DNAH14: variants seen among roughly 807,000 people sequenced by gnomAD.
The protein encoded by DNAH14 is dynein axonemal heavy chain 14.
DNAH14 carries 478 observed loss-of-function variants against 520.9 expected under a neutral mutation model. The ratio of observed to expected loss-of-function variants is 0.92; its 90% CI spans 0.85 to 0.99. The LOEUF (loss-of-function observed/expected upper bound fraction) is 0.99. Ranked by LOEUF, DNAH14 falls within the 50% of genes least tolerant of loss-of-function variation. The pLI is 0.00. For missense variants in DNAH14, 4,831 were observed against 5,234.5 expected (o/e 0.92, Z 2.38); for synonymous variants, 1,581 against 1,757.2 (o/e 0.90, Z 2.51).
In DNAH14 at chr1:225,082,731, G is replaced by A; in HGVS notation, c.3319G>A (p.Ala1107Thr). The A allele has an allele frequency of 1.3e-6, 2 of 1,540,164 alleles. No individual in the cohort carries two copies. The highest frequency in any genetic ancestry group is 1.7e-6 in the Non-Finnish European group (2 of 1,144,210). Residue 1107 changes from alanine (A) to threonine (T), a missense_variant, in exon 20 of 86, where the codon GCT (alanine) becomes ACT (threonine). Physicochemically the swap from Ala to Thr is moderately conservative, Grantham distance 58. Coordinates refer to ENST00000682510, the MANE Select transcript of DNAH14 (RefSeq NM_001367479.1). ...DKNCKVENLL[A>T]LKMFQYENEI... is the part of the protein sequence containing the mutation. Reference sequence around the variant, plus strand: ...AAACTGTAAAGTAGAGAATCTTCTAGCTCTCAAGGTAAATAAAAATGGTTT... The same window carrying A: ...AAACTGTAAAGTAGAGAATCTTCTAACTCTCAAGGTAAATAAAAATGGTTT...
At chr1:225,379,363 T>A (rs530847632) in intron 79 of DNAH14, among the ~76,000 whole-genome samples, 140 of 152,318 alleles carry the variant, frequency 9.2e-4, no homozygotes, top group African/African-American at 3.0e-3. Context: ...CAAAATGAAA[T>A]GAATTCCATG....
intron 8 of DNAH14, among the ~76,000 whole-genome samples, chr1:224,988,113 AT>A (rs2062775239): frequency 6.6e-6 from 1 of 151,606 alleles, no homozygotes; most frequent in African/African-American, 2.4e-5. Flanking sequence ...TCCATGCGTT[AT>A]CATTGTTCAA....
intron 41 of DNAH14, among the ~76,000 whole-genome samples, chr1:225,208,783 GT>G: frequency 6.6e-6 from 1 of 152,038 alleles, no homozygotes; most frequent in East Asian, 1.9e-4. Flanking sequence ...TTTTTTGTTT[GT>G]TTTCTTTATT....
At chr1:225,276,522 A>G (rs1254017198) in intron 53 of DNAH14, among the ~76,000 whole-genome samples, 1 of 152,158 alleles carries the variant, frequency 6.6e-6, no homozygotes, top group African/African-American at 2.4e-5. Context: ...CAGAGACACC[A>G]ACAAAACCAC....
intron 1 of DNAH14, among the ~76,000 whole-genome samples, chr1:224,935,643 T>C (rs1283362142): frequency 6.6e-6 from 1 of 151,794 alleles, no homozygotes. Flanking sequence ...CCACTCTCAG[T>C]ATTAGACAGA....
At chr1:225,049,807 T>TATCTATCA (rs751797027) in intron 15 of DNAH14, among the ~76,000 whole-genome samples, 1 of 148,274 alleles carries the variant, frequency 6.7e-6, no homozygotes, top group Non-Finnish European at 1.5e-5. Context: ...TCTATCTATC[T>TATCTATCA]ATCAATCATC....
chr1:225,338,365 T>G, intron 68 of DNAH14, 183 bp downstream of exon 68: 1 of 787,774 alleles, frequency 1.3e-6, no homozygotes, highest in Admixed American at 2.1e-5. Flanking sequence ...AGATAACCGA[T>G]TTTTATCAAG....
chr1:224,986,359 C>T (rs1168858252), intron 8 of DNAH14, among the ~76,000 whole-genome samples: 1 of 149,576 alleles, frequency 6.7e-6, no homozygotes, highest in Non-Finnish European at 1.5e-5. Context: ...GGCCAATATC[C>T]CTAAAAAAAA....
At chr1:225,364,953 C>A in intron 76 of DNAH14, 59 bp downstream of exon 76, 2 of 1,138,328 alleles carry the variant, frequency 1.8e-6, no homozygotes, top group Non-Finnish European at 1.2e-6. Flanking sequence ...GAATGCAAGT[C>A]ATCTTACATT....
rs536919696 is a variant in DNAH14, at chr1:224,976,426, G to T, written c.830+2273G>T. ...CATTACCATTCAGGACATAGGCTTG[G>T]GCAAGGACTTCATGTCTAAAACACC... On this transcript the variant is annotated intron_variant, in intron 8 of 85. Transcript: ENST00000682510. 5.9e-5 allele frequency among the ~76,000 whole-genome samples: 9 copies of T among 152,174 alleles called. No homozygotes were observed. In the East Asian group the frequency reaches 1.5e-3, roughly 26 times the overall value.
At chr1:225,119,549 G>C (rs1207412713) in intron 26 of DNAH14, among the ~76,000 whole-genome samples, 1 of 152,144 alleles carries the variant, frequency 6.6e-6, no homozygotes. Context: ...CCTTCAGATG[G>C]CTTTTGTGTA....
At chr1:225,286,591 ATACAGAG>A (rs1413187306) in intron 54 of DNAH14, among the ~76,000 whole-genome samples, 1 of 152,220 alleles carries the variant, frequency 6.6e-6, no homozygotes, top group African/African-American at 2.4e-5. Context: ...ACTGACAAGG[ATACAGAG>A]CAATAGGAAC....
intron 54 of DNAH14, among the ~76,000 whole-genome samples, chr1:225,283,414 AAAAATT>A (rs2093667854): frequency 6.7e-6 from 1 of 148,728 alleles, no homozygotes; most frequent in South Asian, 2.2e-4. Context: ...ACTTTCAGGA[AAAAATT>A]AAGTGTTCTG....
chr1:225,083,394 A>T (rs924175989), intron 20 of DNAH14, among the ~76,000 whole-genome samples: 4 of 152,140 alleles, frequency 2.6e-5, no homozygotes, highest in African/African-American at 9.6e-5. Context: ...TAAGAATTTA[A>T]AAAGAATTTT....
At chr1:224,989,663 A>G (rs1159664916) in intron 8 of DNAH14, among the ~76,000 whole-genome samples, 1 of 152,128 alleles carries the variant, frequency 6.6e-6, no homozygotes, top group African/African-American at 2.4e-5. Flanking sequence ...GAAAGGATTG[A>G]GTCTTTCACT....
chr1:225,028,760 C>T (rs1033276871), intron 11 of DNAH14, among the ~76,000 whole-genome samples: 5 of 151,990 alleles, frequency 3.3e-5, no homozygotes, highest in African/African-American at 1.2e-4. Context: ...GACACTTTTA[C>T]ATACCTACTA....
intron 23 of DNAH14, among the ~76,000 whole-genome samples, chr1:225,102,422 G>A (rs1297106631): frequency 6.6e-6 from 1 of 152,036 alleles, no homozygotes; most frequent in Non-Finnish European, 1.5e-5. Context: ...GGGATGGCTG[G>A]GTCAAATGGT....
intron 21 of DNAH14, among the ~76,000 whole-genome samples, chr1:225,088,690 A>G (rs1481269874): frequency 1.3e-5 from 2 of 152,218 alleles, no homozygotes; most frequent in Non-Finnish European, 2.9e-5. Flanking sequence ...TTCTAAGCCC[A>G]AGAAACATCA....
At chr1:225,125,657 C>T (rs1348741505) in intron 27 of DNAH14, among the ~76,000 whole-genome samples, 2 of 152,172 alleles carry the variant, frequency 1.3e-5, no homozygotes, top group African/African-American at 4.8e-5. Flanking sequence ...TCTATCCAGA[C>T]CACTAAAATT....
Sources: allele counts gnomAD v4.1 joint callset (sites outside exome capture counted in the v4.1 genomes callset), GRCh38; gene constraint gnomAD v4.1.1; transcripts MANE v1.5; gene names NCBI Gene and HGNC (gene_info 2026-07-23, HGNC 2026-07-21).